Variants in PTPRN2 observed in about 807,000 individuals in gnomAD.
PTPRN2 encodes the protein receptor-type tyrosine-protein phosphatase N2.
Under a neutral mutation model 118.8 loss-of-function variants are expected in PTPRN2, and 74 were observed. The ratio of observed to expected loss-of-function variants is 0.62; its 90% confidence interval spans 0.52 to 0.76. PTPRN2 has a LOEUF of 0.76. Ranked by LOEUF, PTPRN2 falls within the 30% of genes least tolerant of loss-of-function variation. The probability of loss-of-function intolerance (pLI) is 0.00; values close to 1 mark genes in which losing one functional copy is unlikely to be tolerated. For synonymous variants in PTPRN2, 641 were observed against 608.0 expected, an observed-to-expected ratio of 1.05 and a Z score of -0.80; for missense variants, 1,481 against 1,394.4, an observed-to-expected ratio of 1.06 and a Z score of -0.99.
rs577578893 is a variant in PTPRN2 at position 157,560,532 on chromosome 7, C to T, written c.2902+8370G>A. ...TTACACGGGACAGGGCACTGCAGAC[C>T]GGCCCGGGAACCTGGGGACACCTCA... On this transcript the variant is annotated intron_variant, in intron 21 of 22. Coordinates refer to ENST00000389418, the MANE Select transcript of PTPRN2 (RefSeq NM_002847.5). The surrounding 1 kb of genome is among the most constrained non-coding windows in gnomAD (Gnocchi z 6.7). Among the ~76,000 whole-genome samples the T allele has an allele frequency of 4.6e-5, 7 of 152,290 alleles. No individual in the cohort carries two copies. The highest frequency in any genetic ancestry group is 2.0e-4 in the Admixed American group (3 of 15,302).
chr7:157,615,711 A>G lies in PTPRN2; in HGVS notation c.2344+5651T>C, dbSNP rs1375855155. On this transcript the variant is annotated intron_variant, in intron 15 of 22. Transcript: ENST00000389418. The surrounding 1 kb of genome is among the most constrained non-coding windows in gnomAD (Gnocchi z 4.3). ...AGCAGATGGTGCCGAGCTGAGAGGG[A>G]GGTGACGCAGTGACTCAGGAACCAC... 1 of 422,462 alleles carries G rather than the reference A, an allele frequency of 2.4e-6. No individual in the cohort carries two copies. Among genetic ancestry groups the G allele is most frequent in the Non-Finnish European group, 4.9e-6 (1 of 202,646 alleles). The allele number at this position is 422,462 out of a possible 1,614,324, so 26.2% of individuals were successfully genotyped here.
At chr7:158,466,900 G>T (rs541070275) in intron 2 of PTPRN2, among the ~76,000 whole-genome samples, 1 of 152,292 alleles carries the variant, frequency 6.6e-6, no homozygotes, top group East Asian at 1.9e-4. Flanking sequence ...AATTAGCTAG[G>T]CATGGTGGCA....
At chr7:157,613,350 C>T (rs996843662) in intron 15 of PTPRN2, among the ~76,000 whole-genome samples, 1 of 152,238 alleles carries the variant, frequency 6.6e-6, no homozygotes, top group Non-Finnish European at 1.5e-5. Flanking sequence ...CGGTCTCTTC[C>T]GATAGTTCTG....
At chr7:157,825,137 T>C (rs1807089152) in intron 12 of PTPRN2, among the ~76,000 whole-genome samples, 3 of 152,200 alleles carry the variant, frequency 2.0e-5, no homozygotes, top group Admixed American at 2.0e-4. Flanking sequence ...AGTTTCTCTT[T>C]CCCAGCCTTT....
At chr7:157,884,810 C>A (rs149210631) in intron 12 of PTPRN2, among the ~76,000 whole-genome samples, 1 of 152,150 alleles carries the variant, frequency 6.6e-6, no homozygotes, top group Non-Finnish European at 1.5e-5. Context: ...TTCCCTCTCA[C>A]GACATGTGGC....
chr7:157,639,233 C>T (rs1011121857), intron 14 of PTPRN2, among the ~76,000 whole-genome samples: 3 of 152,082 alleles, frequency 2.0e-5, no homozygotes, highest in South Asian at 2.1e-4. Context: ...GATGGGGTTT[C>T]GCCTGTTGGC....
intron 11 of PTPRN2, among the ~76,000 whole-genome samples, chr7:158,000,597 G>A (rs546258245): frequency 1.5e-3 from 194 of 129,416 alleles, no homozygotes; most frequent in Non-Finnish European, 2.2e-3. Flanking sequence ...GTGTCCGGCC[G>A]CAGGTGGGGA....
chr7:158,323,355 T>C (rs1281615157), intron 2 of PTPRN2, among the ~76,000 whole-genome samples: 2 of 151,828 alleles, frequency 1.3e-5, no homozygotes, highest in Admixed American at 1.3e-4. Context: ...CATTTCAGAG[T>C]TCTAGGACGC....
At chr7:158,014,567 C>A (rs1417677762) in intron 11 of PTPRN2, among the ~76,000 whole-genome samples, 1 of 151,984 alleles carries the variant, frequency 6.6e-6, no homozygotes, top group African/African-American at 2.4e-5. Flanking sequence ...AGGAAGCCAG[C>A]CATCTTTTCA....
At chr7:157,692,912 G>A (rs544892721) in intron 12 of PTPRN2, among the ~76,000 whole-genome samples, 13 of 152,208 alleles carry the variant, frequency 8.5e-5, no homozygotes, top group African/African-American at 3.1e-4. Context: ...CCCAGCGCCC[G>A]GGATGCCCTC....
At position 158,529,882 on chromosome 7, in the gene PTPRN2, ACAC is replaced by A. The variant is rs1162258903; in HGVS notation, c.113-40100_113-40098del. Among the ~76,000 whole-genome samples the A allele has an allele frequency of 6.6e-6, 1 of 152,002 alleles. No individual in the cohort carries two copies. The highest frequency in any genetic ancestry group is 1.5e-5 in the Non-Finnish European group (1 of 67,988). On this transcript the variant is annotated intron_variant, in intron 1 of 22. Transcript: ENST00000389418. This position sits in a 1 kb window ranked among gnomAD's most constrained non-coding sequence, Gnocchi z 4.7. ...CACATGCCACACACCACACATATGC[ACAC>A]CACACACGTGCCACACACAGCACAC...
chr7:157,805,651 T>C (rs12532745), intron 12 of PTPRN2, among the ~76,000 whole-genome samples: 1 of 152,160 alleles, frequency 6.6e-6, no homozygotes, highest in Admixed American at 6.5e-5. Flanking sequence ...AGTTAAGCGG[T>C]GGGGGCAGGG....
chr7:157,658,226 C>T (rs146786070), intron 13 of PTPRN2, among the ~76,000 whole-genome samples: 5 of 152,144 alleles, frequency 3.3e-5, no homozygotes, highest in Admixed American at 2.6e-4. Flanking sequence ...GATACAGAAA[C>T]TGGTACCACA....
intron 3 of PTPRN2, among the ~76,000 whole-genome samples, chr7:158,230,783 T>C (rs1301254879): frequency 1.3e-5 from 2 of 151,692 alleles, no homozygotes; most frequent in South Asian, 4.2e-4. Context: ...TACAAAACAA[T>C]GAAAAAACAA....
In PTPRN2 at chr7:158,525,207, C is replaced by T. The variant is rs541419605; in HGVS notation, c.113-35422G>A. Reference sequence around the variant, plus strand: ...AGCACAGCGTGAGGCAGGCCCTGACCGCTCTGGAAGGAAAAGCACCTCTGG... The same window carrying T: ...AGCACAGCGTGAGGCAGGCCCTGACTGCTCTGGAAGGAAAAGCACCTCTGG... On this transcript the variant is annotated intron_variant, in intron 1 of 22. Coordinates refer to ENST00000389418, the MANE Select transcript of PTPRN2 (RefSeq NM_002847.5). This position sits in a 1 kb window ranked among gnomAD's most constrained non-coding sequence, Gnocchi z 4.1. Among the ~76,000 whole-genome samples, 2 of 152,274 alleles carry T rather than the reference C, an allele frequency of 1.3e-5. No individual in the cohort carries two copies. The highest frequency in any genetic ancestry group is 2.4e-5 in the African/African-American group (1 of 41,554).
intron 1 of PTPRN2, among the ~76,000 whole-genome samples, chr7:158,554,188 C>T (rs1054546099): frequency 2.5e-4 from 38 of 152,230 alleles, no homozygotes; most frequent in African/African-American, 8.9e-4. Context: ...ATTGCTTGAA[C>T]CTGGGAGGCG....
At chr7:157,761,511 A>C (rs889705232) in intron 12 of PTPRN2, among the ~76,000 whole-genome samples, 1 of 151,616 alleles carries the variant, frequency 6.6e-6, no homozygotes, top group Non-Finnish European at 1.5e-5. Context: ...AGGATTCCCT[A>C]TTTAATGAAT....
At chr7:158,528,665 G>A (rs1421028384) in intron 1 of PTPRN2, among the ~76,000 whole-genome samples, 1 of 151,850 alleles carries the variant, frequency 6.6e-6, no homozygotes, top group Admixed American at 6.6e-5. Flanking sequence ...GTGGTGGCGG[G>A]TGCCTGTACT....
At chr7:157,561,705 T>A (rs578020439) in intron 21 of PTPRN2, among the ~76,000 whole-genome samples, 1 of 152,242 alleles carries the variant, frequency 6.6e-6, no homozygotes, top group African/African-American at 2.4e-5. Flanking sequence ...TGGGTCCTCC[T>A]GAGCCCCAGG....
Sources: gnomAD v4.1 joint callset for allele counts (sites outside exome capture counted in the v4.1 genomes callset) on GRCh38, gnomAD v4.1.1 for gene constraint, Gnocchi (gnomAD v3.1) non-coding constraint, MANE v1.5 for transcripts, NCBI Gene and HGNC (gene_info 2026-07-23, HGNC 2026-07-21) for gene names.